The following PCGF5 variants were observed in gnomAD, a reference collection of about 807,000 sequenced individuals.
PCGF5 encodes the protein polycomb group RING finger protein 5.
A neutral mutation model predicts 44.3 loss-of-function variants in PCGF5; 9 were observed. The observed-to-expected ratio is 0.20, with a 90% confidence interval of 0.12 to 0.35. The LOEUF is 0.35. Among genes scored for constraint, PCGF5 ranks in the 10% least tolerant of loss-of-function variants. The pLI is 1.00. For synonymous variants in PCGF5, 95 were observed against 102.5 expected (o/e 0.93, Z 0.44); for missense variants, 146 against 305.3 (o/e 0.48, Z 3.89).
chr10:91,176,520 C>T (rs1843710722), intron 1 of PCGF5, among the ~76,000 whole-genome samples: 1 of 152,172 alleles, frequency 6.6e-6, no homozygotes, highest in Admixed American at 6.5e-5. Flanking sequence ...CAACTTGGTT[C>T]CATTCTCCCT....
At chr10:91,209,048 C>T (rs750404908) in intron 1 of PCGF5, among the ~76,000 whole-genome samples, 7 of 152,158 alleles carry the variant, frequency 4.6e-5, no homozygotes, top group Non-Finnish European at 7.4e-5. Flanking sequence ...TGTTGGCACT[C>T]TGGCCATTTG....
intron 1 of PCGF5, among the ~76,000 whole-genome samples, chr10:91,168,754 C>T (rs1454474286): frequency 1.3e-5 from 2 of 151,620 alleles, no homozygotes; most frequent in Admixed American, 6.6e-5. Context: ...TAGTGAAACC[C>T]CGTCTCTACT....
upstream of PCGF5, among the ~76,000 whole-genome samples, chr10:91,218,771 T>C (rs1225697021): frequency 6.6e-6 from 1 of 152,112 alleles, no homozygotes; most frequent in Non-Finnish European, 1.5e-5. Flanking sequence ...TAGCTGGGAC[T>C]ACAGGCGCAT....
At position 91,279,560 on chromosome 10, in the gene PCGF5, A is replaced by C. The variant is rs1191290717; in HGVS notation, c.*1244A>C. ...TGTTAAGTCTTCCATTCGTTTTAGGATTAGTCTGCAAGTCAAAGAAAGTCT... is the reference window on the plus strand; with the variant it reads ...TGTTAAGTCTTCCATTCGTTTTAGGCTTAGTCTGCAAGTCAAAGAAAGTCT... On this transcript the variant is annotated 3_prime_UTR_variant, in exon 10 of 10. Coordinates refer to ENST00000336126, the MANE Select transcript of PCGF5 (RefSeq NM_032373.5). 1 of 152,232 alleles carries C rather than the reference A, an allele frequency of 6.6e-6. No homozygotes were observed. The highest frequency in any genetic ancestry group is 1.9e-4 in the East Asian group (1 of 5,184). The allele number at this position is 152,232 out of a possible 1,614,324, so 9.4% of individuals were successfully genotyped here. A position where few individuals can be genotyped will look rare whatever the true frequency, so the allele number is the denominator to read the frequency against.
At chr10:91,192,294 A>T (rs17106383) in intron 1 of PCGF5, among the ~76,000 whole-genome samples, 3 of 152,166 alleles carry the variant, frequency 2.0e-5, no homozygotes, top group African/African-American at 7.2e-5. Context: ...CAACAACTCA[A>T]GGTGTTTTGC....
chr10:91,243,722 T>C (rs1344958571), intron 3 of PCGF5, among the ~76,000 whole-genome samples: 3 of 152,190 alleles, frequency 2.0e-5, no homozygotes, highest in African/African-American at 7.2e-5. Context: ...TAAATATTTT[T>C]CCACTAAATA....
chr10:91,177,649 C>G (rs541731439), intron 1 of PCGF5, among the ~76,000 whole-genome samples: 1 of 152,348 alleles, frequency 6.6e-6, no homozygotes, highest in Non-Finnish European at 1.5e-5. Flanking sequence ...GCAGTTCAAT[C>G]TCAGACTGCT....
At chr10:91,261,195 GA>G (rs1845900457) in intron 6 of PCGF5, 130 bp from the exon 7 acceptor site, 1 of 1,146,936 alleles carries the variant, frequency 8.7e-7, no homozygotes, top group South Asian at 2.8e-5. Context: ...GCTATAAATT[GA>G]AATGTTTTCA....
At chr10:91,217,836 G>T (rs1589373682), upstream of PCGF5, among the ~76,000 whole-genome samples, 1 of 152,320 alleles carries the variant, frequency 6.6e-6, no homozygotes, top group Middle Eastern at 3.4e-3. Context: ...CCCCAGACTA[G>T]AGTGCAATGG....
At chr10:91,157,857 T>G in the PCGF5 span, among the ~76,000 whole-genome samples, 3 of 152,228 alleles carry the variant, frequency 2.0e-5, no homozygotes, top group Non-Finnish European at 4.4e-5. Flanking sequence ...AAATGATAAG[T>G]TGATCTAGAA....
chr10:91,272,064 C>T (rs1213712734), intron 9 of PCGF5, among the ~76,000 whole-genome samples: 1 of 152,102 alleles, frequency 6.6e-6, no homozygotes, highest in Non-Finnish European at 1.5e-5. Flanking sequence ...ATATAAAATG[C>T]CAAATTAGGT....
chr10:91,245,180 A>T (rs1845427909), intron 3 of PCGF5, among the ~76,000 whole-genome samples: 2 of 152,100 alleles, frequency 1.3e-5, no homozygotes, highest in Admixed American at 1.3e-4. Context: ...GGTAGAGGAA[A>T]ATCCAGGAGT....
chr10:91,269,864 ATC>A (rs1335042358), intron 8 of PCGF5, among the ~76,000 whole-genome samples: 1 of 151,882 alleles, frequency 6.6e-6, no homozygotes, highest in Non-Finnish European at 1.5e-5. Flanking sequence ...GACTTCTAGG[ATC>A]TCTTTATGTG....
intron 6 of PCGF5, among the ~76,000 whole-genome samples, chr10:91,257,158 C>T (rs534290543): frequency 0.037 from 5,679 of 152,102 alleles, 328 homozygotes; most frequent in African/African-American, 0.13. Context: ...CTTGAATAAA[C>T]ATTCCTCTAA....
chr10:91,177,387 C>T (rs1843728140), intron 1 of PCGF5, among the ~76,000 whole-genome samples: 1 of 152,246 alleles, frequency 6.6e-6, no homozygotes, highest in Middle Eastern at 3.2e-3. Context: ...TGTCCATTTT[C>T]AGATCTGAAG....
At chr10:91,218,676 A>G (rs572770979), upstream of PCGF5, among the ~76,000 whole-genome samples, 307 of 152,276 alleles carry the variant, frequency 2.0e-3, 1 homozygote, top group South Asian at 9.3e-3. Flanking sequence ...TCTGTCTCCC[A>G]GGCTAGAATG....
intron 1 of PCGF5, among the ~76,000 whole-genome samples, chr10:91,164,832 C>A (rs911535074): frequency 6.6e-5 from 10 of 152,184 alleles, no homozygotes; most frequent in African/African-American, 2.4e-4. Context: ...CCCCATAATA[C>A]TATTTTATTT....
At chr10:91,180,470 T>G (rs570680401) in intron 1 of PCGF5, among the ~76,000 whole-genome samples, 2 of 152,180 alleles carry the variant, frequency 1.3e-5, no homozygotes, top group Non-Finnish European at 2.9e-5. Context: ...TATATTTTTT[T>G]GTTTTACATT....
At chr10:91,265,311 C>G (rs1846024237) in intron 8 of PCGF5, among the ~76,000 whole-genome samples, 1 of 152,014 alleles carries the variant, frequency 6.6e-6, no homozygotes, top group Non-Finnish European at 1.5e-5. Context: ...TCATATATGA[C>G]ACTAAGGAAT....
Sources: gnomAD v4.1 joint callset for allele counts (sites outside exome capture counted in the v4.1 genomes callset) on GRCh38, gnomAD v4.1.1 for gene constraint, MANE v1.5 for transcripts, NCBI Gene and HGNC (gene_info 2026-07-23, HGNC 2026-07-21) for gene names.